The following PTCSC3 variants were observed in gnomAD, a reference collection of about 807,000 sequenced individuals.
PTCSC3 encodes papillary thyroid carcinoma susceptibility candidate 3 (non-protein coding).
chr14:36,150,230 T>TTA (rs1594448605), intron 3 of PTCSC3, among the ~76,000 whole-genome samples: 1 of 152,160 alleles, frequency 6.6e-6, no homozygotes, highest in East Asian at 1.9e-4. Flanking sequence ...GATGATAGTA[T>TTA]TAGGAGGTGG....
At chr14:36,142,888 A>G (rs1386994081) in intron 3 of PTCSC3, among the ~76,000 whole-genome samples, 5 of 145,472 alleles carry the variant, frequency 3.4e-5, no homozygotes, top group Admixed American at 2.2e-4. Flanking sequence ...GTTCCCACCT[A>G]TGAGTGAGAA....
chr14:36,173,088 T>A (rs1882218233), intron 1 of PTCSC3, among the ~76,000 whole-genome samples: 1 of 152,096 alleles, frequency 6.6e-6, no homozygotes, highest in African/African-American at 2.4e-5. Context: ...TTTATCAGAT[T>A]CCGCAGATAA....
chr14:36,135,248 T>A (rs1048153882), downstream of PTCSC3, among the ~76,000 whole-genome samples: 1 of 152,178 alleles, frequency 6.6e-6, no homozygotes, highest in Non-Finnish European at 1.5e-5. Context: ...AGGAAGCATA[T>A]CTTAATATGA....
intron 1 of PTCSC3, among the ~76,000 whole-genome samples, chr14:36,171,117 A>G (rs1243290215): frequency 6.6e-6 from 1 of 152,184 alleles, no homozygotes; most frequent in Non-Finnish European, 1.5e-5. Flanking sequence ...TTTGAGTTCT[A>G]AACAATAGCC....
intron 2 of PTCSC3, among the ~76,000 whole-genome samples, chr14:36,155,313 G>C (rs1200082349): frequency 1.3e-5 from 2 of 152,012 alleles, no homozygotes; most frequent in Non-Finnish European, 2.9e-5. Context: ...CAATTTTGAG[G>C]TTCCACAGTA....
intron 3 of PTCSC3, among the ~76,000 whole-genome samples, chr14:36,140,631 C>T (rs1881397521): frequency 1.3e-5 from 2 of 152,158 alleles, no homozygotes; most frequent in South Asian, 4.1e-4. Context: ...TGTATATCTT[C>T]TTTGATGAAG....
intron 1 of PTCSC3, among the ~76,000 whole-genome samples, chr14:36,172,942 C>CAAG (rs1318713101): frequency 1.3e-5 from 2 of 149,534 alleles, no homozygotes; most frequent in East Asian, 3.9e-4. Context: ...TTAAAACTTG[C>CAAG]TTTGTTTTTT....
intron 2 of PTCSC3, among the ~76,000 whole-genome samples, chr14:36,155,009 T>A (rs1425140466): frequency 1.3e-5 from 2 of 152,170 alleles, no homozygotes; most frequent in Admixed American, 6.5e-5. Context: ...CTGATGAGTA[T>A]TATATTCTCT....
chr14:36,143,062 G>A (rs1365209774), intron 3 of PTCSC3, among the ~76,000 whole-genome samples: 1 of 151,570 alleles, frequency 6.6e-6, no homozygotes, highest in African/African-American at 2.4e-5. Context: ...TATCATTGTT[G>A]GACATTTGGG....
downstream of PTCSC3, among the ~76,000 whole-genome samples, chr14:36,135,670 G>T (rs1190991860): frequency 6.6e-6 from 1 of 152,140 alleles, no homozygotes; most frequent in Non-Finnish European, 1.5e-5. Flanking sequence ...AATGAAGGTG[G>T]TGCTGATAAT....
At chr14:36,135,104 C>T (rs1350944529), downstream of PTCSC3, among the ~76,000 whole-genome samples, 1 of 152,122 alleles carries the variant, frequency 6.6e-6, no homozygotes, top group Non-Finnish European at 1.5e-5. Flanking sequence ...CAACTAGGAA[C>T]AACTTGAGTA....
At chr14:36,161,754 C>A (rs1328959906) in intron 2 of PTCSC3, among the ~76,000 whole-genome samples, 1 of 152,212 alleles carries the variant, frequency 6.6e-6, no homozygotes. Context: ...GAACGCTGTG[C>A]TGGAAGATCC....
intron 1 of PTCSC3, among the ~76,000 whole-genome samples, chr14:36,168,151 A>G (rs1252182195): frequency 6.6e-6 from 1 of 151,586 alleles, no homozygotes; most frequent in African/African-American, 2.4e-5. Flanking sequence ...CTATCTTGAT[A>G]TTTTCTCTAT....
At chr14:36,141,047 G>A (rs1035772956) in intron 3 of PTCSC3, among the ~76,000 whole-genome samples, 4 of 152,154 alleles carry the variant, frequency 2.6e-5, no homozygotes, top group Non-Finnish European at 5.9e-5. Context: ...CTGTATTTGT[G>A]TGAGTCTATT....
intron 1 of PTCSC3, among the ~76,000 whole-genome samples, chr14:36,168,523 T>G (rs1882138325): frequency 1.3e-5 from 2 of 151,900 alleles, no homozygotes; most frequent in South Asian, 4.2e-4. Flanking sequence ...TTCTTCTTTG[T>G]AGCATAACTA....
At chr14:36,154,789 G>GTT (rs879679096) in intron 2 of PTCSC3, among the ~76,000 whole-genome samples, 3 of 152,090 alleles carry the variant, frequency 2.0e-5, no homozygotes, top group Non-Finnish European at 4.4e-5. Context: ...TGTTAGGATT[G>GTT]GGTTCCCTTT....
chr14:36,148,561 T>C (rs1009021162), intron 3 of PTCSC3, among the ~76,000 whole-genome samples: 2 of 152,212 alleles, frequency 1.3e-5, no homozygotes, highest in Admixed American at 6.5e-5. Flanking sequence ...GTGCCCACTG[T>C]CTGGCACTCC....
chr14:36,176,628 G>A (rs1882293077), upstream of PTCSC3, among the ~76,000 whole-genome samples: 1 of 151,998 alleles, frequency 6.6e-6, no homozygotes, highest in Non-Finnish European at 1.5e-5. Context: ...GATGTCTTGA[G>A]TACTGAGAAG....
intron 1 of PTCSC3, among the ~76,000 whole-genome samples, chr14:36,173,633 T>A (rs1385819000): frequency 6.6e-6 from 1 of 152,106 alleles, no homozygotes; most frequent in African/African-American, 2.4e-5. Context: ...TTCAGCACAG[T>A]CCTGAAGACG....
Sources: allele counts gnomAD v4.1 joint callset (sites outside exome capture counted in the v4.1 genomes callset), GRCh38; gene constraint gnomAD v4.1.1; transcripts MANE v1.5; gene names NCBI Gene and HGNC (gene_info 2026-07-23, HGNC 2026-07-21).